Variants in CP observed in about 807,000 individuals in gnomAD.
CP encodes the protein ceruloplasmin, also known as caeruloplasmin.
CP carries 64 observed loss-of-function variants against 122.4 expected under a neutral mutation model. That is an observed-to-expected ratio of 0.52 (90% CI 0.43 to 0.64). The LOEUF is 0.64. Among genes scored for constraint, CP ranks in the 30% least tolerant of loss-of-function variants. CP has a pLI of 0.00. For synonymous variants in CP, 440 were observed against 436.4 expected, an observed-to-expected ratio of 1.01 and a Z score of -0.10; for missense variants, 1,167 against 1,284.4, an observed-to-expected ratio of 0.91 and a Z score of 1.40.
At chr3:149,210,104 A>G (rs1728006838) in intron 3 of CP, 63 bp downstream of exon 3, 1 of 1,535,052 alleles carries the variant, frequency 6.5e-7, no homozygotes, top group African/African-American at 1.4e-5. Context: ...TTCTTTTTAA[A>G]AGACAAACTG....
intron 4 of CP, 68 bp downstream of exon 4, chr3:149,209,143 A>G: frequency 6.3e-7 from 1 of 1,587,310 alleles, no homozygotes; most frequent in East Asian, 2.2e-5. Context: ...ATGTGAGGGA[A>G]TAAGCTTAGC....
chr3:149,204,992 TC>T, intron 6 of CP, among the ~76,000 whole-genome samples: 1 of 150,698 alleles, frequency 6.6e-6, no homozygotes, highest in African/African-American at 2.5e-5. Flanking sequence ...TATAAAGAAC[TC>T]CTACAGGTCA....
In CP at chr3:149,167,078, G is replaced by A. The variant is rs147593958; in HGVS notation, c.587-1028C>T. On this transcript the variant is annotated intron_variant, in intron 4 of 5. Coordinates refer to the CP transcript ENST00000479771. ...CATTTGACATAGCTTCCATTATTCC[G>A]TTCTTGGAGCCACTTTCAGAAGACA... 1.2e-5 allele frequency: 20 copies of A among 1,613,604 alleles called. No homozygotes were observed. Among genetic ancestry groups the A allele is most frequent in the Admixed American group, 3.3e-5 (2 of 59,990 alleles).
intron 5 of CP, among the ~76,000 whole-genome samples, chr3:149,164,575 C>T (rs894445462): frequency 8.5e-5 from 13 of 152,174 alleles, no homozygotes; most frequent in East Asian, 3.9e-4. Flanking sequence ...GCCCAAAGAA[C>T]GAATATAATT....
chr3:149,178,686 G>A, intron 15 of CP, 55 bp from the exon 16 acceptor site: 14 of 1,309,350 alleles, frequency 1.1e-5, no homozygotes, highest in Non-Finnish European at 1.5e-5. Context: ...GGATTTCAGA[G>A]AACTGAGACT....
At chr3:149,180,452 T>G (rs1298624302) in intron 14 of CP, among the ~76,000 whole-genome samples, 1 of 152,210 alleles carries the variant, frequency 6.6e-6, no homozygotes, top group Non-Finnish European at 1.5e-5. Context: ...CCTGTGCAAC[T>G]GCTCACAGGC....
Position 149,198,374 on chromosome 3 carries a change from C to T in CP, c.1706G>A (p.Gly569Glu), listed in dbSNP as rs1559949066. 3 of 1,613,814 alleles carry T rather than the reference C, an allele frequency of 1.9e-6. No homozygotes were observed. The highest frequency in any genetic ancestry group is 1.1e-5 in the South Asian group (1 of 91,056). The change falls in exon 9 of 19, where the codon GGG becomes GAG. Residue 569 changes from glycine (G) to glutamate (E), a missense_variant. Physicochemically the swap from Gly to Glu is moderately conservative, Grantham distance 98 (BLOSUM62 -2). This residue lies in a region of CP where 525 missense variants were observed against 657.2 expected (regional missense o/e 0.80). Transcript: ENST00000264613. ...TTCCCCAGTTGGACTTACCTGTCTCCCATTTGCATGTAAACTTCCTTTCTT... is the reference window on the plus strand; with the variant it reads ...TTCCCCAGTTGGACTTACCTGTCTCTCATTTGCATGTAAACTTCCTTTCTT... Reference protein sequence around the residue: ...ICKKGSLHANGRQKDVDKEFY... With the variant: ...ICKKGSLHANERQKDVDKEFY...
chr3:149,171,853 C>T (rs551200875), downstream of CP, among the ~76,000 whole-genome samples: 78 of 151,960 alleles, frequency 5.1e-4, no homozygotes, highest in Admixed American at 1.8e-3. Flanking sequence ...TACAGGTGTG[C>T]GCCACCATGC....
intron 5 of CP, among the ~76,000 whole-genome samples, chr3:149,164,431 A>G (rs1724207463): frequency 6.6e-6 from 1 of 152,200 alleles, no homozygotes; most frequent in South Asian, 2.1e-4. Context: ...GGATGATTAG[A>G]GAATGTGGAT....
chr3:149,186,702 G>A lies in CP; in HGVS notation c.1895C>T (p.Pro632Leu), dbSNP rs200706325. 6.4e-5 allele frequency: 103 copies of A among 1,614,076 alleles called. No individual in the cohort carries two copies. Among genetic ancestry groups the A allele is most frequent in the South Asian group, 2.2e-5 (2 of 91,072 alleles). The change falls in exon 11 of 19, where the codon CCG becomes CTG. Residue 632 changes from proline (P) to leucine (L), a missense_variant. Around this residue, in one of 2 missense-constraint regions of CP, gnomAD observed 525 missense variants for 657.2 expected, o/e 0.80. Transcript: ENST00000264613. Reference sequence around the variant, plus strand: ...ATCTCCTTTGCACATAGTGAGACCCGGCTGATTCCCATACATGAATCCATT... The same window carrying A: ...ATCTCCTTTGCACATAGTGAGACCCAGCTGATTCCCATACATGAATCCATT... ...SMNGFMYGNQ[P>L]GLTMCKGDSV...
chr3:149,206,032 C>G, intron 6 of CP, 136 bp downstream of exon 6: 1 of 789,150 alleles, frequency 1.3e-6, no homozygotes, highest in Non-Finnish European at 2.0e-6. Context: ...ACATCAAATA[C>G]CTTAATAAAT....
At chr3:149,210,977 A>C (rs1728064397) in intron 2 of CP, among the ~76,000 whole-genome samples, 1 of 152,202 alleles carries the variant, frequency 6.6e-6, no homozygotes, top group Non-Finnish European at 1.5e-5. Context: ...GTATCTCTAA[A>C]AGATAGGAAC....
rs1725418057 is a variant in CP at position 149,176,369 on chromosome 3, C to T, written c.3062G>A (p.Gly1021Glu). Residue 1021 changes from glycine to glutamate, a missense_variant, in exon 18 of 19, where the codon GGA becomes GAA. By Grantham distance (98) the Gly-to-Glu change is moderately conservative. Coordinates refer to ENST00000264613, the MANE Select transcript of CP (RefSeq NM_000096.4). Reference sequence around the variant, plus strand: ...AAACATTTCTAGGGTTTGGTATGTTCCAGGGAAAATGTCAAAGACATCAGA... The same window carrying T: ...AAACATTTCTAGGGTTTGGTATGTTTCAGGGAAAATGTCAAAGACATCAGA... ...YSSDVFDIFP[G>E]TYQTLEMFPR... 1 of 1,613,030 alleles carries T rather than the reference C, an allele frequency of 6.2e-7. No individual in the cohort carries two copies. Among genetic ancestry groups the T allele is most frequent in the South Asian group, 1.1e-5 (1 of 91,052 alleles).
At chr3:149,185,681 T>C (rs1726121172) in intron 11 of CP, among the ~76,000 whole-genome samples, 1 of 152,140 alleles carries the variant, frequency 6.6e-6, no homozygotes, top group African/African-American at 2.4e-5. Context: ...CAAAATATCC[T>C]CATGGTTCAC....
chr3:149,196,909 A>C (rs1369090290), intron 9 of CP, among the ~76,000 whole-genome samples: 3 of 152,222 alleles, frequency 2.0e-5, no homozygotes, highest in Non-Finnish European at 4.4e-5. Context: ...AAAGAAGTGA[A>C]TATGCCCTGC....
intron 4 of CP, among the ~76,000 whole-genome samples, chr3:149,166,368 G>A (rs1385283756): frequency 6.6e-6 from 1 of 152,170 alleles, no homozygotes; most frequent in Non-Finnish European, 1.5e-5. Flanking sequence ...AGGAAGGGGT[G>A]TAAAGAAAAC....
chr3:149,171,069 A>G (rs1439849239), downstream of CP, among the ~76,000 whole-genome samples: 5 of 152,086 alleles, frequency 3.3e-5, no homozygotes, highest in Admixed American at 6.6e-5. Flanking sequence ...CATGAGGTCA[A>G]GAGATCGAGA....
chr3:149,177,680 C>G, intron 17 of CP, 160 bp downstream of exon 17: 3 of 786,996 alleles, frequency 3.8e-6, no homozygotes, highest in Non-Finnish European at 6.3e-6. Context: ...TGAATATTTT[C>G]AATCCATGAT....
Position 149,186,635 on chromosome 3 carries a change from A to T in CP, c.1962T>A (p.Asp654Glu). ...TTCCTGAAAAGTATATTCCATGTAC[A>T]TCGGCCTCATTTCCGGCGCTGAATA... ...WYLFSAGNEA[D>E]VHGIYFSGNT... Residue 654 changes from aspartate (D) to glutamate (E), a missense_variant, in exon 11 of 19, where the codon GAT becomes GAA. Coordinates refer to ENST00000264613, the MANE Select transcript of CP (RefSeq NM_000096.4). The T allele has an allele frequency of 6.2e-7, 1 of 1,614,186 alleles. No homozygotes were observed.
Sources: allele counts gnomAD v4.1 joint callset (sites outside exome capture counted in the v4.1 genomes callset), GRCh38; gene constraint gnomAD v4.1.1; regional missense constraint gnomAD v4.1.1; transcripts MANE v1.5; gene names NCBI Gene and HGNC (gene_info 2026-07-23, HGNC 2026-07-21).